The following PDE10A variants were observed in gnomAD, a reference collection of about 807,000 sequenced individuals.
PDE10A encodes phosphodiesterase 10A.
In PDE10A, 39 loss-of-function variants were observed where a neutral mutation model predicts 97.7. The ratio of observed to expected loss-of-function variants is 0.40; its 90% confidence interval spans 0.31 to 0.52. The LOEUF (loss-of-function observed/expected upper bound fraction) is 0.52, where lower values mean the gene tolerates loss of function less well. PDE10A is among the 20% of genes least tolerant of loss of function. The pLI is 0.56. For synonymous variants in PDE10A, 371 were observed against 376.8 expected, an observed-to-expected ratio of 0.98 and a Z score of 0.18; for missense variants, 731 against 1,047.8, an observed-to-expected ratio of 0.70 and a Z score of 4.17.
At chr6:165,732,574 T>C (rs1270162627) in intron 1 of PDE10A, among the ~76,000 whole-genome samples, 1 of 152,304 alleles carries the variant, frequency 6.6e-6, no homozygotes, top group Admixed American at 6.5e-5. Context: ...ATCCACCCTA[T>C]TGAGTGAGCA....
intron 18 of PDE10A, among the ~76,000 whole-genome samples, chr6:165,368,703 C>CT (rs1290740437): frequency 6.6e-6 from 1 of 152,206 alleles, no homozygotes; most frequent in Non-Finnish European, 1.5e-5. Context: ...ATGTCCCTGT[C>CT]TGACAGCTCT....
intron 13 of PDE10A, among the ~76,000 whole-genome samples, chr6:165,405,544 C>G (rs1240441255): frequency 6.6e-6 from 1 of 152,202 alleles, no homozygotes; most frequent in African/African-American, 2.4e-5. Context: ...GGACTACGCA[C>G]TGTTCTAAGA....
chr6:165,472,243 T>C (rs1779057524), intron 3 of PDE10A, among the ~76,000 whole-genome samples: 2 of 152,102 alleles, frequency 1.3e-5, no homozygotes, highest in Admixed American at 1.3e-4. Flanking sequence ...ATTGGCCATT[T>C]CATATAAATT....
At chr6:165,618,684 G>C (rs1157832826) in intron 1 of PDE10A, among the ~76,000 whole-genome samples, 1 of 152,168 alleles carries the variant, frequency 6.6e-6, no homozygotes, top group African/African-American at 2.4e-5. Context: ...AGTCAGCTCT[G>C]TCTCTCGTCC....
At chr6:165,523,394 A>G (rs1418289185) in intron 2 of PDE10A, among the ~76,000 whole-genome samples, 1 of 152,148 alleles carries the variant, frequency 6.6e-6, no homozygotes, top group Admixed American at 6.6e-5. Flanking sequence ...AGTAACCCAA[A>G]CAGCACAGTA....
At chr6:165,342,806 C>G (rs1782052288) in intron 19 of PDE10A, among the ~76,000 whole-genome samples, 1 of 152,100 alleles carries the variant, frequency 6.6e-6, no homozygotes, top group African/African-American at 2.4e-5. Flanking sequence ...GCAAATTGAG[C>G]AGTACAATGC....
intron 2 of PDE10A, 134 bp downstream of exon 2, chr6:165,543,306 G>T: frequency 1.8e-6 from 1 of 555,024 alleles, no homozygotes; most frequent in Non-Finnish European, 2.8e-6. Flanking sequence ...TTTTTAAATG[G>T]AATAACTCTG....
intron 1 of PDE10A, among the ~76,000 whole-genome samples, chr6:165,585,481 T>C (rs1157923097): frequency 8.5e-5 from 13 of 152,112 alleles, no homozygotes; most frequent in African/African-American, 3.1e-4. Context: ...ATCACACGTA[T>C]CCTTAAAAGA....
intron 15 of PDE10A, among the ~76,000 whole-genome samples, chr6:165,393,416 G>C (rs1583185365): frequency 6.6e-6 from 1 of 150,844 alleles, no homozygotes; most frequent in South Asian, 2.1e-4. Flanking sequence ...TTTATATTAT[G>C]TACTTATTTA....
intron 17 of PDE10A, among the ~76,000 whole-genome samples, chr6:165,384,780 A>G (rs915568101): frequency 6.6e-6 from 1 of 152,102 alleles, no homozygotes; most frequent in Non-Finnish European, 1.5e-5. Flanking sequence ...CTGCTTATCC[A>G]GTAGATACCA....
intron 2 of PDE10A, among the ~76,000 whole-genome samples, chr6:165,498,142 T>C (rs1394495586): frequency 2.6e-5 from 4 of 151,994 alleles, no homozygotes; most frequent in Non-Finnish European, 4.4e-5. Context: ...CCAGGCACCA[T>C]GGCTCACAGC....
intron 1 of PDE10A, among the ~76,000 whole-genome samples, chr6:165,621,394 T>C (rs80161008): frequency 0.022 from 3,368 of 152,172 alleles, 132 homozygotes; most frequent in African/African-American, 0.077. Context: ...CTTTCTGGAA[T>C]TGAAAAACCC....
chr6:165,560,316 A>G (rs1784459477), intron 1 of PDE10A, among the ~76,000 whole-genome samples: 1 of 152,138 alleles, frequency 6.6e-6, no homozygotes, highest in South Asian at 2.1e-4. Context: ...TCAAGCTCAC[A>G]GCCAGTAAGA....
intron 13 of PDE10A, among the ~76,000 whole-genome samples, chr6:165,408,675 CT>C (rs1362324135): frequency 1.3e-5 from 2 of 152,062 alleles, no homozygotes; most frequent in Non-Finnish European, 2.9e-5. Flanking sequence ...GACATGTGAA[CT>C]GGTCTTTCTG....
chr6:165,871,898 G>A (rs1390115516), intron 1 of PDE10A, among the ~76,000 whole-genome samples: 4 of 152,196 alleles, frequency 2.6e-5, no homozygotes, highest in African/African-American at 9.6e-5. Context: ...AGATAGGATC[G>A]AAGGTGGAAA....
At chr6:165,811,036 C>T (rs1779268498) in intron 1 of PDE10A, among the ~76,000 whole-genome samples, 1 of 152,124 alleles carries the variant, frequency 6.6e-6, no homozygotes, top group African/African-American at 2.4e-5. Flanking sequence ...CCAGCCTGGC[C>T]AACATGGTGA....
At chr6:165,479,311 C>T (rs1045780998) in intron 3 of PDE10A, among the ~76,000 whole-genome samples, 9 of 152,134 alleles carry the variant, frequency 5.9e-5, no homozygotes, top group South Asian at 2.1e-4. Flanking sequence ...ACTCTCAATT[C>T]GACAGCTAGA....
intron 3 of PDE10A, among the ~76,000 whole-genome samples, chr6:165,466,969 C>T (rs1778691413): frequency 6.6e-6 from 1 of 152,112 alleles, no homozygotes; most frequent in African/African-American, 2.4e-5. Context: ...ATTAAAAGTG[C>T]TAATCTAAAG....
chr6:165,523,534 A>G (rs543362422), intron 2 of PDE10A, among the ~76,000 whole-genome samples: 135 of 152,344 alleles, frequency 8.9e-4, no homozygotes, highest in African/African-American at 3.0e-3. Flanking sequence ...CTCCCTATTC[A>G]ATAAATGAGG....
Sources: allele counts gnomAD v4.1 joint callset (sites outside exome capture counted in the v4.1 genomes callset), GRCh38; gene constraint gnomAD v4.1.1; transcripts MANE v1.5; gene names NCBI Gene and HGNC (gene_info 2026-07-23, HGNC 2026-07-21).